Variants in ENOX2 observed in about 807,000 individuals in gnomAD.
ENOX2 encodes the protein APK1 antigen.
Under a neutral mutation model 45.0 loss-of-function variants are expected in ENOX2, and 36 were observed. The ratio of observed to expected loss-of-function variants is 0.80; its 90% CI spans 0.61 to 1.06. The LOEUF is 1.06. Among genes scored for constraint, ENOX2 ranks in the 50% least tolerant of loss-of-function variants. The pLI, the probability that ENOX2 is intolerant of heterozygous loss-of-function variation, is 0.00. For synonymous variants in ENOX2, 174 were observed against 152.3 expected, an observed-to-expected ratio of 1.14 and a Z score of -1.05; for missense variants, 423 against 462.5, an observed-to-expected ratio of 0.91 and a Z score of 0.78.
rs147776791 is a variant in ENOX2 at position 130,745,321 on chromosome X, G to A, written c.-39+38226C>T. ...CTCCTCTTTTCTTTCCTCTGTTAAC[G>A]GAAAACATTTTGAAAATATGCTAAA... On this transcript the variant is annotated intron_variant, in intron 3 of 14. Coordinates refer to ENST00000394363, the MANE Select transcript of ENOX2 (RefSeq NM_006375.4). 7.1e-3 allele frequency among the ~76,000 whole-genome samples: 796 copies of A among 111,487 alleles called. 2 individuals are homozygous for A. Among genetic ancestry groups the A allele is most frequent in the African/African-American group, 0.024 (734 of 30,676 alleles).
chrX:130,624,843 G>A lies in ENOX2; in HGVS notation c.*471C>T, dbSNP rs1331546396. The A allele has an allele frequency of 3.5e-5, 4 of 112,821 alleles. No homozygotes were observed. Among genetic ancestry groups the A allele is most frequent in the Non-Finnish European group, 5.6e-5 (3 of 53,689 alleles). The allele number at this position is 112,821 out of a possible 1,213,427, so 9.3% of individuals were successfully genotyped here. On this transcript the variant is annotated 3_prime_UTR_variant, in exon 15 of 15. Transcript: ENST00000394363. The stretch of plus-strand genomic sequence containing the variant: ...TGTGTTATTTATTTACTGGTCTACT[G>A]GGGATTGGAAAGACAATGGCAGTTA...
chrX:130,781,452 C>T lies in ENOX2; in HGVS notation c.-39+2095G>A, dbSNP rs190974309. ...AATCCTATATGTGCAAGTTACTTTG[C>T]TCTCACTGAATGTGCTCATTAGAAA... On this transcript the variant is annotated intron_variant, in intron 3 of 14. Transcript: ENST00000394363. Among the ~76,000 whole-genome samples, 6 of 112,403 alleles carry T rather than the reference C, an allele frequency of 5.3e-5. 1 individual carries two copies. Among genetic ancestry groups the T allele is most frequent in the African/African-American group, 1.9e-4 (6 of 31,016 alleles).
At chrX:130,672,079 A>G (rs2037004569) in intron 6 of ENOX2, among the ~76,000 whole-genome samples, 1 of 111,799 alleles carries the variant, frequency 8.9e-6, no homozygotes, top group Admixed American at 9.4e-5. Context: ...ATGCTCAAGA[A>G]GCTAGAGAAA....
intron 2 of ENOX2, among the ~76,000 whole-genome samples, chrX:130,843,339 A>G (rs1359484702): frequency 9.0e-6 from 1 of 111,259 alleles, no homozygotes; most frequent in Non-Finnish European, 1.9e-5. Flanking sequence ...TAACAAACAT[A>G]ATAATCTCAG....
chrX:130,765,612 A>G (rs990554315), intron 3 of ENOX2, among the ~76,000 whole-genome samples: 1 of 111,313 alleles, frequency 9.0e-6, no homozygotes, highest in South Asian at 3.7e-4. Flanking sequence ...TTATTAATCT[A>G]TTAATAATGC....
intron 3 of ENOX2, among the ~76,000 whole-genome samples, chrX:130,728,264 C>T (rs1045650747): frequency 8.1e-5 from 9 of 111,244 alleles, no homozygotes; most frequent in Admixed American, 2.9e-4. Flanking sequence ...CAGCAGTGCC[C>T]AGCAGCTTCT....
intron 6 of ENOX2, 88 bp from the exon 7 acceptor site, chrX:130,670,286 G>C: frequency 1.5e-6 from 1 of 650,152 alleles, no homozygotes; most frequent in Non-Finnish European, 2.4e-6. Flanking sequence ...GAGAGAGAGA[G>C]AGACATGAAA....
chrX:130,667,675 A>G lies in ENOX2; in HGVS notation c.762T>C (p.Arg254=). The change falls in exon 8 of 15, where the codon CGT becomes CGC. Residue 254 remains arginine, a synonymous_variant. Coordinates refer to ENST00000394363, the MANE Select transcript of ENOX2 (RefSeq NM_006375.4). ...TGGAGTAGAAGTTATTGGCGCTACG[A>G]CGGTTGACCTCTCCTCGCTCTATCC... ...LTWIERGEVN[R]RSANNFYSMI... 4.1e-6 allele frequency: 5 copies of G among 1,211,031 alleles called. No homozygotes were observed. The highest frequency in any genetic ancestry group is 5.6e-6 in the Non-Finnish European group (5 of 894,753).
At chrX:130,692,562 T>C (rs1489300608) in intron 4 of ENOX2, among the ~76,000 whole-genome samples, 1 of 110,479 alleles carries the variant, frequency 9.1e-6, no homozygotes, top group Non-Finnish European at 1.9e-5. Context: ...GACATGTTGA[T>C]TTGTATTATC....
intron 2 of ENOX2, among the ~76,000 whole-genome samples, chrX:130,891,501 T>G (rs916204579): frequency 2.2e-4 from 20 of 92,912 alleles, no homozygotes; most frequent in African/African-American, 8.0e-4. Context: ...TTTTTTTTTT[T>G]TTTTTTTTTT....
chrX:130,883,272 G>A (rs1316020960), intron 2 of ENOX2, among the ~76,000 whole-genome samples: 4 of 110,795 alleles, frequency 3.6e-5, no homozygotes, highest in African/African-American at 9.9e-5. Flanking sequence ...CACCATGCCC[G>A]GCTAATTTTT....
At chrX:130,741,703 A>G (rs963319613) in intron 3 of ENOX2, among the ~76,000 whole-genome samples, 1 of 111,491 alleles carries the variant, frequency 9.0e-6, no homozygotes, top group Admixed American at 9.5e-5. Flanking sequence ...AATGTGGCGC[A>G]TGCTTTCAAA....
intron 2 of ENOX2, among the ~76,000 whole-genome samples, chrX:130,824,282 T>C (rs762618585): frequency 8.9e-6 from 1 of 112,138 alleles, no homozygotes; most frequent in South Asian, 3.7e-4. Flanking sequence ...TAACTACCTG[T>C]ACATTGTTGT....
intron 2 of ENOX2, 139 bp from the exon 3 acceptor site, chrX:130,783,829 G>C: frequency 5.6e-6 from 1 of 177,980 alleles, no homozygotes; most frequent in South Asian, 9.9e-5. Flanking sequence ...CTTAAAGACA[G>C]TTGCCTTCTG....
At chrX:130,714,987 C>T (rs2038290096) in intron 3 of ENOX2, among the ~76,000 whole-genome samples, 1 of 111,957 alleles carries the variant, frequency 8.9e-6, no homozygotes, top group African/African-American at 3.2e-5. Context: ...CAGAACAAGG[C>T]TGTATTTGTA....
intron 2 of ENOX2, among the ~76,000 whole-genome samples, chrX:130,883,105 T>TTTG (rs2078847635): frequency 1.8e-5 from 2 of 111,318 alleles, no homozygotes; most frequent in African/African-American, 6.5e-5. Context: ...TGTTTTTTGT[T>TTTG]TTGTTTTGTT....
chrX:130,784,707 C>T (rs1387100008), intron 2 of ENOX2, among the ~76,000 whole-genome samples: 2 of 107,754 alleles, frequency 1.9e-5, no homozygotes, highest in Non-Finnish European at 3.8e-5. Context: ...CCTGCCTCAG[C>T]CCCCCTAGTA....
chrX:130,897,091 C>T (rs989472171), intron 2 of ENOX2, among the ~76,000 whole-genome samples: 6 of 112,052 alleles, frequency 5.4e-5, no homozygotes, highest in African/African-American at 1.9e-4. Context: ...CCAATGACAT[C>T]GGCTCCCATG....
intron 9 of ENOX2, among the ~76,000 whole-genome samples, chrX:130,658,299 T>C (rs1326990858): frequency 9.0e-6 from 1 of 110,621 alleles, no homozygotes; most frequent in African/African-American, 3.3e-5. Flanking sequence ...GACAGAATAA[T>C]GAGAGAACTT....
Sources: gnomAD v4.1 joint callset for allele counts (sites outside exome capture counted in the v4.1 genomes callset) on GRCh38, gnomAD v4.1.1 for gene constraint, MANE v1.5 for transcripts, NCBI Gene and HGNC (gene_info 2026-07-23, HGNC 2026-07-21) for gene names.